The following CNTNAP2 variants were observed in gnomAD, a reference collection of about 807,000 sequenced individuals.
The protein encoded by CNTNAP2 is contactin associated protein 2.
Under a neutral mutation model 155.2 loss-of-function variants are expected in CNTNAP2, and 98 were observed. The observed-to-expected ratio is 0.63, with a 90% CI of 0.54 to 0.75. The LOEUF (loss-of-function observed/expected upper bound fraction) is 0.75. Among genes scored for constraint, CNTNAP2 ranks in the 30% least tolerant of loss-of-function variants. The pLI, the probability that CNTNAP2 is intolerant of heterozygous loss-of-function variation, is 0.00. For missense variants in CNTNAP2, 1,727 were observed against 1,688.1 expected (o/e 1.02, Z -0.40); for synonymous variants, 651 against 631.2 (o/e 1.03, Z -0.47).
intron 1 of CNTNAP2, among the ~76,000 whole-genome samples, chr7:146,712,725 A>G (rs1487465980): frequency 6.6e-6 from 1 of 151,898 alleles, no homozygotes; most frequent in East Asian, 1.9e-4. Context: ...TCATGGCTGA[A>G]TTTGGTTATA....
intron 12 of CNTNAP2, among the ~76,000 whole-genome samples, chr7:147,609,402 G>T (rs1017104000): frequency 2.0e-5 from 3 of 152,076 alleles, no homozygotes; most frequent in Non-Finnish European, 4.4e-5. Flanking sequence ...ATGGTGGCGG[G>T]TGCCTGTAGT....
At chr7:148,194,040 GGCCAA>G (rs997480404) in intron 18 of CNTNAP2, among the ~76,000 whole-genome samples, 3 of 151,468 alleles carry the variant, frequency 2.0e-5, no homozygotes, top group Admixed American at 6.6e-5. Flanking sequence ...GCGCAATCAG[GGCCAA>G]CTGCAGCCTT....
chr7:147,902,429 T>A (rs139515868), intron 13 of CNTNAP2, among the ~76,000 whole-genome samples: 175 of 152,244 alleles, frequency 1.1e-3, no homozygotes, highest in African/African-American at 3.6e-3. Flanking sequence ...TTTCTGTAGG[T>A]TTTTGGGTAA....
chr7:146,262,832 G>A (rs962428068), intron 1 of CNTNAP2, among the ~76,000 whole-genome samples: 7 of 152,100 alleles, frequency 4.6e-5, no homozygotes, highest in Non-Finnish European at 8.8e-5. Context: ...TTTTAGGTAG[G>A]AACAAGGCAT....
chr7:148,100,310 C>A (rs191493372), intron 15 of CNTNAP2, among the ~76,000 whole-genome samples: 4 of 152,296 alleles, frequency 2.6e-5, no homozygotes, highest in Admixed American at 1.3e-4. Flanking sequence ...CAGTGTGAAT[C>A]CTTTCCATTA....
intron 9 of CNTNAP2, among the ~76,000 whole-genome samples, chr7:147,347,457 C>CATATATATATATATGCATAT (rs1795891617): frequency 2.0e-5 from 1 of 49,994 alleles, no homozygotes; most frequent in African/African-American, 5.5e-5. Context: ...TATATATATG[C>CATATATATATATATGCATAT]ATATATATAT....
At chr7:146,656,527 C>G (rs12540802) in intron 1 of CNTNAP2, among the ~76,000 whole-genome samples, 2 of 152,000 alleles carry the variant, frequency 1.3e-5, no homozygotes, top group African/African-American at 2.4e-5. Context: ...TGTAAGCATA[C>G]GGATGAGATT....
chr7:147,906,207 T>C (rs1401017146), intron 14 of CNTNAP2, among the ~76,000 whole-genome samples: 1 of 152,126 alleles, frequency 6.6e-6, no homozygotes, highest in Non-Finnish European at 1.5e-5. Flanking sequence ...AGATTTTTTT[T>C]TTGAGATGGG....
chr7:146,473,089 T>C (rs1283953112), intron 1 of CNTNAP2, among the ~76,000 whole-genome samples: 1 of 151,970 alleles, frequency 6.6e-6, no homozygotes, highest in East Asian at 1.9e-4. Context: ...AAAGAAATGT[T>C]GAGCCTACAC....
chr7:147,281,654 A>C (rs149504899), intron 8 of CNTNAP2, among the ~76,000 whole-genome samples: 1 of 151,890 alleles, frequency 6.6e-6, no homozygotes, highest in African/African-American at 2.4e-5. Context: ...CATTTATTGG[A>C]TATATTTAAG....
intron 8 of CNTNAP2, among the ~76,000 whole-genome samples, chr7:147,188,752 T>C (rs747948178): frequency 3.9e-5 from 6 of 152,218 alleles, no homozygotes; most frequent in Non-Finnish European, 7.3e-5. Flanking sequence ...AACTGAAATA[T>C]GCAGTAGGGT....
rs1361604442 is a variant in CNTNAP2 at position 147,350,534 on chromosome 7, T to C, written c.1499-45075T>C. 2.6e-5 allele frequency among the ~76,000 whole-genome samples: 4 copies of C among 152,030 alleles called. No individual in the cohort carries two copies. The South Asian group carries it at 6.2e-4, about 24-fold the overall frequency. ...CCTATGTATTCAAAATAAAATTTAA[T>C]TGAACATTAAAATTCTTGTCTAGTT... On this transcript the variant is annotated intron_variant, in intron 9 of 23. Transcript: ENST00000361727.
At chr7:146,363,205 A>T (rs1162841523) in intron 1 of CNTNAP2, among the ~76,000 whole-genome samples, 1 of 152,234 alleles carries the variant, frequency 6.6e-6, no homozygotes, top group Non-Finnish European at 1.5e-5. Context: ...GAACTAAAGC[A>T]CAGAGAGATT....
chr7:146,642,191 G>A lies in CNTNAP2; in HGVS notation c.98-132080G>A, dbSNP rs1341931027. ...TTATTATTATACTTTAAGTTTTAGG[G>A]TACATGTGCACAATGTGCAGGTTAG... is the stretch of plus-strand genomic sequence containing the variant. On this transcript the variant is annotated intron_variant, in intron 1 of 23. Transcript: ENST00000361727. Among the ~76,000 whole-genome samples, 4 of 150,086 alleles carry A rather than the reference G, an allele frequency of 2.7e-5. No individual in the cohort carries two copies. In the Admixed American group the frequency reaches 2.7e-4, roughly 10 times the overall value.
chr7:146,345,651 C>T (rs73465966), intron 1 of CNTNAP2, among the ~76,000 whole-genome samples: 3,754 of 152,316 alleles, frequency 0.025, 179 homozygotes, highest in African/African-American at 0.085. Flanking sequence ...TTTCTTTCCA[C>T]TCCACTTCAC....
At chr7:147,634,398 T>A (rs531493217) in intron 12 of CNTNAP2, among the ~76,000 whole-genome samples, 2 of 152,288 alleles carry the variant, frequency 1.3e-5, no homozygotes, top group Admixed American at 6.5e-5. Context: ...TGGGAGCTAA[T>A]CTATGAAGAC....
At chr7:147,665,519 A>G (rs775515273) in intron 13 of CNTNAP2, among the ~76,000 whole-genome samples, 3 of 152,192 alleles carry the variant, frequency 2.0e-5, no homozygotes, top group Non-Finnish European at 4.4e-5. Flanking sequence ...GGTTTGCTAC[A>G]TAGGTAACTT....
intron 15 of CNTNAP2, among the ~76,000 whole-genome samples, chr7:147,986,376 T>C (rs1050374232): frequency 6.6e-6 from 1 of 152,242 alleles, no homozygotes; most frequent in African/African-American, 2.4e-5. Context: ...AGTAACTATT[T>C]CCTGAGAAGA....
intron 3 of CNTNAP2, among the ~76,000 whole-genome samples, chr7:147,043,620 AT>A: frequency 6.6e-6 from 1 of 152,354 alleles, no homozygotes; most frequent in East Asian, 1.9e-4. Flanking sequence ...ATTAGAACTC[AT>A]TTCAATGTGT....
Sources: allele counts gnomAD v4.1 joint callset (sites outside exome capture counted in the v4.1 genomes callset), GRCh38; gene constraint gnomAD v4.1.1; transcripts MANE v1.5; gene names NCBI Gene and HGNC (gene_info 2026-07-23, HGNC 2026-07-21).